The following B3GALT1 variants were observed in gnomAD, a reference collection of about 807,000 sequenced individuals.
B3GALT1 encodes beta-1,3-galactosyltransferase 1.
A neutral mutation model predicts 23.2 loss-of-function variants in B3GALT1; 10 were observed. That is an observed-to-expected ratio of 0.43 (90% CI 0.27 to 0.73). B3GALT1 has a LOEUF of 0.73. Among genes scored for constraint, B3GALT1 ranks in the 30% least tolerant of loss-of-function variants. B3GALT1 has a pLI of 0.21. For missense variants in B3GALT1, 299 were observed against 405.4 expected (o/e 0.74, Z 2.25); for synonymous variants, 156 against 141.5 (o/e 1.10, Z -0.73).
At chr2:167,433,175 G>A (rs1574076349) in intron 1 of B3GALT1, among the ~76,000 whole-genome samples, 1 of 151,994 alleles carries the variant, frequency 6.6e-6, no homozygotes, top group East Asian at 1.9e-4. Context: ...TCATATACTT[G>A]GAATCATACA....
At chr2:167,747,355 T>C (rs1558966767) in intron 3 of B3GALT1, among the ~76,000 whole-genome samples, 1 of 152,188 alleles carries the variant, frequency 6.6e-6, no homozygotes, top group Non-Finnish European at 1.5e-5. Flanking sequence ...GGCCAGAAAA[T>C]GCCTAAGCTG....
intron 1 of B3GALT1, among the ~76,000 whole-genome samples, chr2:167,447,403 A>G (rs937508701): frequency 6.6e-6 from 1 of 152,222 alleles, no homozygotes; most frequent in African/African-American, 2.4e-5. Context: ...AGACAGGGAC[A>G]TTTAAGTCTG....
At chr2:167,866,757 G>C (rs1373234635) in intron 4 of B3GALT1, among the ~76,000 whole-genome samples, 4 of 152,192 alleles carry the variant, frequency 2.6e-5, no homozygotes, top group African/African-American at 9.7e-5. Context: ...GCTCACAATG[G>C]AGTAGGAAAG....
intron 1 of B3GALT1, among the ~76,000 whole-genome samples, chr2:167,323,155 G>A (rs542293135): frequency 2.6e-5 from 4 of 152,146 alleles, no homozygotes; most frequent in East Asian, 1.9e-4. Flanking sequence ...GAGCATAGCC[G>A]TGCAAATCAG....
chr2:167,375,185 T>G (rs1365319353), intron 1 of B3GALT1, among the ~76,000 whole-genome samples: 1 of 152,130 alleles, frequency 6.6e-6, no homozygotes, highest in Non-Finnish European at 1.5e-5. Context: ...ACTATTCTAG[T>G]CCATTAGTCT....
At chr2:167,343,757 C>A (rs1197428212) in intron 1 of B3GALT1, among the ~76,000 whole-genome samples, 1 of 151,998 alleles carries the variant, frequency 6.6e-6, no homozygotes, top group East Asian at 1.9e-4. Flanking sequence ...CTTGTGATTA[C>A]CATTGGAGTT....
chr2:167,830,924 A>G (rs1689339134), intron 4 of B3GALT1, among the ~76,000 whole-genome samples: 1 of 152,196 alleles, frequency 6.6e-6, no homozygotes, highest in South Asian at 2.1e-4. Context: ...GCCACTGCAC[A>G]CCAGTTGTAA....
rs1182774237 is a variant in B3GALT1 at position 167,863,986 on chromosome 2, A to ATGTG, written c.-229-4822_-229-4821insGTGT. Among the ~76,000 whole-genome samples the ATGTG allele has an allele frequency of 7.6e-4, 100 of 132,208 alleles. 1 individual carries two copies. The highest frequency in any genetic ancestry group is 7.6e-3 in the Middle Eastern group (2 of 262). The allele number at this position is 132,208 out of a possible 152,430, so 86.7% of individuals were successfully genotyped here. A position where few individuals can be genotyped will look rare whatever the true frequency, so the allele number is the denominator to read the frequency against. ...ATAGTGATTCTGTGTGCATGCATGT[A>ATGTG]TGTATGTGTGTGTGTGTGTGTGTGT... On this transcript the variant is annotated intron_variant, in intron 4 of 4. Coordinates refer to ENST00000392690, the MANE Select transcript of B3GALT1 (RefSeq NM_020981.4).
At chr2:167,840,216 A>C (rs2105397730) in intron 4 of B3GALT1, among the ~76,000 whole-genome samples, 1 of 151,880 alleles carries the variant, frequency 6.6e-6, no homozygotes, top group Middle Eastern at 3.4e-3. Context: ...GCACAGCAAA[A>C]GAAACTACCA....
At chr2:167,746,075 G>C (rs935033230) in intron 3 of B3GALT1, among the ~76,000 whole-genome samples, 1 of 152,092 alleles carries the variant, frequency 6.6e-6, no homozygotes, top group Non-Finnish European at 1.5e-5. Flanking sequence ...GAGAAGTAAG[G>C]GATGATTTAG....
chr2:167,470,284 G>C (rs1699404920), intron 1 of B3GALT1, among the ~76,000 whole-genome samples: 1 of 152,070 alleles, frequency 6.6e-6, no homozygotes, highest in Non-Finnish European at 1.5e-5. Flanking sequence ...GATCATTCCA[G>C]AAAACACTAA....
At chr2:167,347,240 T>C (rs565674923) in intron 1 of B3GALT1, among the ~76,000 whole-genome samples, 132 of 152,330 alleles carry the variant, frequency 8.7e-4, no homozygotes, top group African/African-American at 2.9e-3. Flanking sequence ...TACCTCACTC[T>C]AATTAACTTC....
At chr2:167,699,065 A>G (rs1169097053) in intron 3 of B3GALT1, among the ~76,000 whole-genome samples, 1 of 152,230 alleles carries the variant, frequency 6.6e-6, no homozygotes, top group Non-Finnish European at 1.5e-5. Flanking sequence ...ATTTTATTCA[A>G]TATCTAAAGA....
chr2:167,500,084 A>ATT (rs889956165), intron 2 of B3GALT1, among the ~76,000 whole-genome samples: 3 of 152,052 alleles, frequency 2.0e-5, no homozygotes, highest in African/African-American at 7.2e-5. Context: ...TTGGTTCTGA[A>ATT]TTTTTCTGAG....
intron 1 of B3GALT1, among the ~76,000 whole-genome samples, chr2:167,316,081 T>A (rs189551972): frequency 2.3e-4 from 34 of 148,244 alleles, no homozygotes; most frequent in Middle Eastern, 3.4e-3. Flanking sequence ...GCAGTTATAT[T>A]TTTTTTTACC....
chr2:167,580,742 G>A (rs987570589), intron 2 of B3GALT1, among the ~76,000 whole-genome samples: 2 of 152,162 alleles, frequency 1.3e-5, no homozygotes, highest in Non-Finnish European at 2.9e-5. Flanking sequence ...GGAGGGACTG[G>A]GTTTTGTTCA....
intron 2 of B3GALT1, among the ~76,000 whole-genome samples, chr2:167,630,793 C>T (rs1049734173): frequency 6.6e-6 from 1 of 151,676 alleles, no homozygotes; most frequent in South Asian, 2.1e-4. Flanking sequence ...AAAGAATGAT[C>T]CAAATGCATT....
chr2:167,715,951 A>G (rs1687136315), intron 3 of B3GALT1: 4 of 1,613,000 alleles, frequency 2.5e-6, no homozygotes, highest in Non-Finnish European at 3.4e-6. Flanking sequence ...TCGCATGGAA[A>G]ACCATAAGGA....
chr2:167,481,984 CT>C (rs1050413663), intron 1 of B3GALT1, among the ~76,000 whole-genome samples: 1 of 151,386 alleles, frequency 6.6e-6, no homozygotes, highest in East Asian at 1.9e-4. Context: ...CAATGTATTT[CT>C]TTTTTTTTAG....
Sources: allele counts gnomAD v4.1 joint callset (sites outside exome capture counted in the v4.1 genomes callset), GRCh38; gene constraint gnomAD v4.1.1; transcripts MANE v1.5; gene names NCBI Gene and HGNC (gene_info 2026-07-23, HGNC 2026-07-21).